Variants in LUZP2 observed in about 807,000 individuals in gnomAD.
LUZP2 encodes leucine zipper protein 2.
Under a neutral mutation model 51.6 loss-of-function variants are expected in LUZP2, and 52 were observed. That is an observed-to-expected ratio of 1.01 (90% confidence interval 0.81 to 1.27). LUZP2 has a LOEUF of 1.27. LUZP2 is among the 50% of genes most tolerant of loss of function. LUZP2 has a pLI of 0.00. For missense variants in LUZP2, 436 were observed against 395.4 expected (o/e 1.10, Z -0.87); for synonymous variants, 154 against 137.3 (o/e 1.12, Z -0.85).
intron 10 of LUZP2, among the ~76,000 whole-genome samples, chr11:25,052,579 GT>G (rs1414493955): frequency 2.6e-5 from 4 of 152,098 alleles, no homozygotes; most frequent in African/African-American, 9.7e-5. Flanking sequence ...TAGAGAGACT[GT>G]TTTTTGCCTT....
chr11:24,645,932 G>A (rs1397653606), intron 1 of LUZP2, among the ~76,000 whole-genome samples: 4 of 151,806 alleles, frequency 2.6e-5, no homozygotes, highest in Non-Finnish European at 5.9e-5. Context: ...AATCAAATAG[G>A]TCATTCATTT....
intron 5 of LUZP2, among the ~76,000 whole-genome samples, chr11:24,822,995 T>A (rs1164642636): frequency 6.6e-6 from 1 of 152,146 alleles, no homozygotes; most frequent in Non-Finnish European, 1.5e-5. Context: ...CAGCAAATAT[T>A]TGTATGTATT....
At chr11:24,707,927 C>T (rs1371396462) in intron 1 of LUZP2, among the ~76,000 whole-genome samples, 1 of 152,110 alleles carries the variant, frequency 6.6e-6, no homozygotes, top group Non-Finnish European at 1.5e-5. Context: ...CTCTGACGCA[C>T]GTGGCCCCTG....
At chr11:24,716,991 C>T (rs1236355202) in intron 1 of LUZP2, among the ~76,000 whole-genome samples, 1 of 151,826 alleles carries the variant, frequency 6.6e-6, no homozygotes, top group Non-Finnish European at 1.5e-5. Flanking sequence ...GGCTGTTGTG[C>T]AATCATTTTT....
At chr11:24,937,665 G>A (rs1430171874) in intron 7 of LUZP2, among the ~76,000 whole-genome samples, 1 of 152,120 alleles carries the variant, frequency 6.6e-6, no homozygotes, top group Non-Finnish European at 1.5e-5. Context: ...ACTTTGGGAG[G>A]CCGAGGTGGG....
chr11:24,957,796 C>T (rs1855253147), intron 7 of LUZP2, among the ~76,000 whole-genome samples: 1 of 151,958 alleles, frequency 6.6e-6, no homozygotes, highest in Admixed American at 6.6e-5. Context: ...GGTACATGTG[C>T]ACAATGTGCA....
chr11:24,680,618 T>C (rs765195540), intron 1 of LUZP2, among the ~76,000 whole-genome samples: 1 of 152,184 alleles, frequency 6.6e-6, no homozygotes, highest in Admixed American at 6.5e-5. Context: ...TTCATTGTGA[T>C]TGGAGATAAT....
At chr11:24,521,825 T>A (rs536490823) in intron 1 of LUZP2, among the ~76,000 whole-genome samples, 1 of 152,146 alleles carries the variant, frequency 6.6e-6, no homozygotes, top group Non-Finnish European at 1.5e-5. Context: ...GTTTATGACA[T>A]AGAAGTTAAG....
At chr11:24,891,503 A>G (rs1852852102) in intron 5 of LUZP2, 2 of 959,514 alleles carry the variant, frequency 2.1e-6, no homozygotes, top group African/African-American at 1.8e-5. Flanking sequence ...ATTATACTTT[A>G]TGCGAAAATC....
intron 1 of LUZP2, among the ~76,000 whole-genome samples, chr11:24,509,711 T>G (rs1264987687): frequency 6.6e-6 from 1 of 151,556 alleles, no homozygotes; most frequent in African/African-American, 2.4e-5. Context: ...TTAAATATAT[T>G]ACTCATAGAT....
At chr11:24,894,626 C>T (rs76531378) in intron 5 of LUZP2, among the ~76,000 whole-genome samples, 3,053 of 151,464 alleles carry the variant, frequency 0.02, 107 homozygotes, top group African/African-American at 0.066. Context: ...TCTAATAGTC[C>T]CTGGTATCTA....
Position 25,040,343 on chromosome 11 carries a change from A to ATTTTTTTTTT in LUZP2, c.766-9684_766-9675dup, listed in dbSNP as rs57668112. 7.7e-4 allele frequency among the ~76,000 whole-genome samples: 76 copies of ATTTTTTTTTT among 98,814 alleles called. 15 individuals are homozygous for ATTTTTTTTTT. Among genetic ancestry groups the ATTTTTTTTTT allele is most frequent in the African/African-American group, 2.6e-3 (44 of 17,196 alleles). The allele number at this position is 98,814 out of a possible 152,430, so 64.8% of individuals were successfully genotyped here. On this transcript the variant is annotated intron_variant, in intron 9 of 11. Coordinates refer to ENST00000336930, the MANE Select transcript of LUZP2 (RefSeq NM_001009909.4). ...AGAGAGCCACTTTTCTTTCTTTCCG[A>ATTTTTTTTTT]TTTTTTTTTTTTTTTTTTTTGCCAA...
rs369237785 is a variant in LUZP2 at position 25,079,118 on chromosome 11, G to A, written c.*460G>A. 21 of 153,720 alleles carry A rather than the reference G, an allele frequency of 1.4e-4. No homozygotes were observed. The highest frequency in any genetic ancestry group is 5.1e-4 in the African/African-American group (21 of 41,556). The allele number at this position is 153,720 out of a possible 1,614,324, so 9.5% of individuals were successfully genotyped here. ...CATTTTCCTCAAGGTTGGAATTTGT[G>A]CCAACCTAAATACGTTGTTTCTTTG... is the stretch of plus-strand genomic sequence containing the variant. On this transcript the variant is annotated 3_prime_UTR_variant, in exon 12 of 12. Coordinates refer to ENST00000336930, the MANE Select transcript of LUZP2 (RefSeq NM_001009909.4).
intron 10 of LUZP2, among the ~76,000 whole-genome samples, chr11:25,056,104 A>G (rs2134031532): frequency 6.6e-6 from 1 of 152,282 alleles, no homozygotes; most frequent in East Asian, 1.9e-4. Context: ...AAATACTGTA[A>G]TTGTATTTGT....
chr11:24,935,600 T>C (rs1025992515), intron 7 of LUZP2, among the ~76,000 whole-genome samples: 9 of 152,162 alleles, frequency 5.9e-5, no homozygotes, highest in Non-Finnish European at 1.2e-4. Flanking sequence ...CAAGTAGCTC[T>C]CATCTCTATT....
intron 1 of LUZP2, among the ~76,000 whole-genome samples, chr11:24,639,809 T>C (rs755173839): frequency 6.6e-6 from 1 of 151,890 alleles, no homozygotes; most frequent in Non-Finnish European, 1.5e-5. Context: ...TCTACTGTAA[T>C]ATGTGGACAT....
At chr11:24,718,732 G>T (rs545250707) in intron 1 of LUZP2, among the ~76,000 whole-genome samples, 2 of 152,254 alleles carry the variant, frequency 1.3e-5, no homozygotes, top group African/African-American at 4.8e-5. Context: ...AAAAGAGATG[G>T]AGAATACAGA....
intron 1 of LUZP2, among the ~76,000 whole-genome samples, chr11:24,713,521 A>T (rs1244611773): frequency 1.3e-5 from 2 of 151,954 alleles, no homozygotes; most frequent in African/African-American, 4.8e-5. Flanking sequence ...TCCAAAGATC[A>T]GAAATATGGC....
intron 10 of LUZP2, among the ~76,000 whole-genome samples, chr11:25,055,659 G>T (rs771029554): frequency 2.0e-5 from 3 of 152,100 alleles, no homozygotes; most frequent in Non-Finnish European, 4.4e-5. Context: ...TCGCTTATCA[G>T]TCTAGACCGA....
Sources: gnomAD v4.1 joint callset for allele counts (sites outside exome capture counted in the v4.1 genomes callset) on GRCh38, gnomAD v4.1.1 for gene constraint, MANE v1.5 for transcripts, NCBI Gene and HGNC (gene_info 2026-07-23, HGNC 2026-07-21) for gene names.